Variants in CENPC observed in about 807,000 individuals in gnomAD.
CENPC encodes the protein CENP-C 1.
CENPC carries 63 observed loss-of-function variants against 112.1 expected under a neutral mutation model. The observed-to-expected ratio is 0.56, with a 90% CI of 0.46 to 0.69. The LOEUF (loss-of-function observed/expected upper bound fraction) is 0.69, where lower values mean the gene tolerates loss of function less well. Among genes scored for constraint, CENPC ranks in the 30% least tolerant of loss-of-function variants. The probability of loss-of-function intolerance (pLI) is 0.00; values close to 1 mark genes in which losing one functional copy is unlikely to be tolerated. For missense variants in CENPC, 1,000 were observed against 1,103.8 expected, an observed-to-expected ratio of 0.91 and a Z score of 1.33; for synonymous variants, 333 against 367.6, an observed-to-expected ratio of 0.91 and a Z score of 1.08.
chr4:67,536,559 A>G (rs1232200678), intron 4 of CENPC, among the ~76,000 whole-genome samples: 1 of 152,146 alleles, frequency 6.6e-6, no homozygotes, highest in Admixed American at 6.5e-5. Context: ...AAAAGCCTAT[A>G]AGATAGATAA....
intron 17 of CENPC, among the ~76,000 whole-genome samples, 196 bp downstream of exon 17, chr4:67,489,771 C>T (rs1725188297): frequency 6.6e-6 from 1 of 151,998 alleles, no homozygotes; most frequent in Admixed American, 6.6e-5. Flanking sequence ...AAATACAGTG[C>T]TATGCAGAGA....
In CENPC at chr4:67,472,870, G is replaced by A. The variant is rs370873044; in HGVS notation, c.2762-195C>T. Among the ~76,000 whole-genome samples, 12 of 152,254 alleles carry A rather than the reference G, an allele frequency of 7.9e-5. No homozygotes were observed. In the South Asian group the frequency reaches 2.3e-3, roughly 29 times the overall value. ...GACACGTGATCCAGATGAGGCTTGA[G>A]AGAACAGAAATATAAATTTCACATC... On this transcript the variant is annotated intron_variant, in intron 18 of 18. Transcript: ENST00000273853.
chr4:67,496,997 T>G (rs1320580077), intron 12 of CENPC, among the ~76,000 whole-genome samples: 3 of 150,114 alleles, frequency 2.0e-5, no homozygotes, highest in African/African-American at 7.4e-5. Flanking sequence ...TCGGAGGCAG[T>G]GTCAGAGTGA....
chr4:67,533,896 A>C (rs950064102), intron 4 of CENPC, among the ~76,000 whole-genome samples: 1 of 152,038 alleles, frequency 6.6e-6, no homozygotes, highest in Non-Finnish European at 1.5e-5. Context: ...AAATTAGCCA[A>C]GAGTGGTGGT....
At chr4:67,503,079 C>G (rs192807986) in intron 12 of CENPC, among the ~76,000 whole-genome samples, 166 of 152,240 alleles carry the variant, frequency 1.1e-3, no homozygotes, top group Admixed American at 3.8e-3. Flanking sequence ...CAAGTCATGT[C>G]TCTCTTCTGC....
At chr4:67,495,321 C>A in intron 12 of CENPC, 109 bp from the exon 13 acceptor site, 2 of 1,022,642 alleles carry the variant, frequency 2.0e-6, no homozygotes, top group South Asian at 1.6e-5. Flanking sequence ...AAAGTTTGAC[C>A]TGATAATGTA....
At chr4:67,522,348 G>C (rs1726251282) in intron 5 of CENPC, among the ~76,000 whole-genome samples, 1 of 152,158 alleles carries the variant, frequency 6.6e-6, no homozygotes, top group South Asian at 2.1e-4. Context: ...ATTCAGCAGA[G>C]CACAGAAGGG....
At chr4:67,540,948 C>T (rs1726869181) in intron 3 of CENPC, 32 bp downstream of exon 3, 2 of 1,436,886 alleles carry the variant, frequency 1.4e-6, no homozygotes, top group Non-Finnish European at 1.9e-6. Flanking sequence ...ATCCATCTAA[C>T]CCTTAAATTC....
intron 5 of CENPC, among the ~76,000 whole-genome samples, chr4:67,524,968 C>A (rs568566142): frequency 2.0e-5 from 3 of 152,042 alleles, no homozygotes; most frequent in African/African-American, 7.2e-5. Flanking sequence ...GGTACTGGTA[C>A]CAAAACAGAT....
chr4:67,515,522 T>G (rs1186931354), intron 7 of CENPC, among the ~76,000 whole-genome samples: 1 of 151,730 alleles, frequency 6.6e-6, no homozygotes, highest in Non-Finnish European at 1.5e-5. Flanking sequence ...CTTCCTATCT[T>G]TTTTTACATC....
chr4:67,498,491 G>A (rs996650311), intron 12 of CENPC, among the ~76,000 whole-genome samples: 12 of 152,086 alleles, frequency 7.9e-5, no homozygotes, highest in African/African-American at 1.9e-4. Context: ...AAACTCTGTC[G>A]CTGCTTTACC....
chr4:67,486,692 G>C (rs528075166), intron 17 of CENPC, among the ~76,000 whole-genome samples: 3 of 152,092 alleles, frequency 2.0e-5, no homozygotes, highest in Non-Finnish European at 4.4e-5. Context: ...CCTACAGGAC[G>C]GCCCCCACTA....
intron 4 of CENPC, among the ~76,000 whole-genome samples, chr4:67,534,090 C>T (rs899011789): frequency 6.6e-6 from 1 of 151,392 alleles, no homozygotes; most frequent in African/African-American, 2.4e-5. Context: ...TTGAATGTGT[C>T]TTTTGTCGCA....
intron 12 of CENPC, among the ~76,000 whole-genome samples, chr4:67,503,902 T>C (rs758101583): frequency 4.6e-5 from 7 of 151,974 alleles, no homozygotes; most frequent in Non-Finnish European, 8.8e-5. Flanking sequence ...CTTCTTAGAA[T>C]AACAGCAAAA....
At chr4:67,532,752 T>G (rs1486227698) in intron 4 of CENPC, among the ~76,000 whole-genome samples, 29 of 127,094 alleles carry the variant, frequency 2.3e-4, no homozygotes, top group Middle Eastern at 3.7e-3. Flanking sequence ...TGCTGGGGGG[T>G]AGGGGGAGGG....
At chr4:67,523,842 T>C (rs1423668191) in intron 5 of CENPC, among the ~76,000 whole-genome samples, 16 of 152,044 alleles carry the variant, frequency 1.1e-4, no homozygotes, top group Admixed American at 9.8e-4. Flanking sequence ...GGAGAGCATC[T>C]TGTGGCTCTA....
At chr4:67,543,132 T>C (rs1051771445) in intron 2 of CENPC, among the ~76,000 whole-genome samples, 27 of 152,234 alleles carry the variant, frequency 1.8e-4, no homozygotes, top group South Asian at 4.1e-4. Flanking sequence ...ACAGAAGATT[T>C]AGGAGAGCTT....
intron 17 of CENPC, among the ~76,000 whole-genome samples, chr4:67,480,283 C>G (rs540174328): frequency 6.6e-6 from 1 of 152,192 alleles, no homozygotes; most frequent in South Asian, 2.1e-4. Context: ...CGCACCATTG[C>G]ACTCCAGCCT....
At position 67,476,683 on chromosome 4, in the gene CENPC, G is replaced by A. The variant is rs184394635; in HGVS notation, c.2671-1705C>T. ...TCCTGGGCAGAATTGGGGGAAGGGCGAATAGGAAGTTCAGATACAAGCCAG... is the reference window on the plus strand; with the variant it reads ...TCCTGGGCAGAATTGGGGGAAGGGCAAATAGGAAGTTCAGATACAAGCCAG... On this transcript the variant is annotated intron_variant, in intron 17 of 18. Transcript: ENST00000273853. Among the ~76,000 whole-genome samples, 327 of 152,280 alleles carry A rather than the reference G, an allele frequency of 2.1e-3. 1 individual carries two copies. The highest frequency in any genetic ancestry group is 2.8e-3 in the Non-Finnish European group (191 of 68,014).
Sources: gnomAD v4.1 joint callset for allele counts (sites outside exome capture counted in the v4.1 genomes callset) on GRCh38, gnomAD v4.1.1 for gene constraint, MANE v1.5 for transcripts, NCBI Gene and HGNC (gene_info 2026-07-23, HGNC 2026-07-21) for gene names.